Variants in KAZN observed in about 807,000 individuals in gnomAD.
KAZN encodes the protein kazrin.
Under a neutral mutation model 87.4 loss-of-function variants are expected in KAZN, and 40 were observed. That is an observed-to-expected ratio of 0.46 (90% confidence interval 0.36 to 0.60). KAZN has a LOEUF of 0.60. Among genes scored for constraint, KAZN ranks in the 20% least tolerant of loss-of-function variants. The pLI, the probability that KAZN is intolerant of heterozygous loss-of-function variation, is 0.00. For synonymous variants in KAZN, 466 were observed against 458.3 expected (o/e 1.02, Z -0.22); for missense variants, 898 against 1,073.9 (o/e 0.84, Z 2.29).
At chr1:14,774,520 G>A (rs969790842) in intron 1 of KAZN, among the ~76,000 whole-genome samples, 1 of 149,816 alleles carries the variant, frequency 6.7e-6, no homozygotes, top group Non-Finnish European at 1.5e-5. Context: ...ACCCAGGCTG[G>A]AGTGCAGTGG....
At chr1:14,124,920 C>G (rs960387502) in intron 1 of KAZN, among the ~76,000 whole-genome samples, 1 of 152,136 alleles carries the variant, frequency 6.6e-6, no homozygotes, top group Non-Finnish European at 1.5e-5. Context: ...GAGGGAGACA[C>G]AGCAAACAAG....
intron 1 of KAZN, among the ~76,000 whole-genome samples, chr1:14,172,323 G>A (rs893280150): frequency 6.6e-6 from 1 of 152,212 alleles, no homozygotes; most frequent in Non-Finnish European, 1.5e-5. Flanking sequence ...ATTCTAGGAT[G>A]ATGGGGCAGA....
intron 2 of KAZN, among the ~76,000 whole-genome samples, chr1:14,368,352 T>C (rs1001765467): frequency 3.1e-4 from 47 of 152,336 alleles, no homozygotes; most frequent in African/African-American, 1.1e-3. Flanking sequence ...ATCACTCAGA[T>C]GCAAGCAGCT....
intron 1 of KAZN, among the ~76,000 whole-genome samples, chr1:14,731,985 GC>G (rs1643697502): frequency 6.6e-6 from 1 of 152,242 alleles, no homozygotes; most frequent in African/African-American, 2.4e-5. Flanking sequence ...GTGCGGCTAA[GC>G]CGCCCTGGGG....
At chr1:14,520,789 A>G (rs1313173503) in intron 2 of KAZN, among the ~76,000 whole-genome samples, 1 of 152,160 alleles carries the variant, frequency 6.6e-6, no homozygotes, top group Non-Finnish European at 1.5e-5. Flanking sequence ...TTTGCACTAA[A>G]CCAAAGATGG....
chr1:14,475,129 TATTGA>T (rs1668649637), intron 2 of KAZN, among the ~76,000 whole-genome samples: 2 of 151,704 alleles, frequency 1.3e-5, no homozygotes, highest in Non-Finnish European at 1.5e-5. Flanking sequence ...GGTAGATAGA[TATTGA>T]ATTGATGGAT....
At chr1:14,721,235 T>TAA (rs1643086254) in intron 1 of KAZN, among the ~76,000 whole-genome samples, 2 of 152,140 alleles carry the variant, frequency 1.3e-5, no homozygotes, top group Non-Finnish European at 2.9e-5. Flanking sequence ...ATGGGGGTGG[T>TAA]TACCTCCATG....
intron 1 of KAZN, among the ~76,000 whole-genome samples, chr1:14,057,440 G>C (rs1642622886): frequency 6.6e-6 from 1 of 152,176 alleles, no homozygotes; most frequent in South Asian, 2.1e-4. Flanking sequence ...GCTATGTTTA[G>C]CATTTTTAGT....
At chr1:14,766,184 C>T (rs1025480304) in intron 1 of KAZN, among the ~76,000 whole-genome samples, 1 of 152,182 alleles carries the variant, frequency 6.6e-6, no homozygotes, top group African/African-American at 2.4e-5. Flanking sequence ...CCAGAAACTA[C>T]AGGACACGGG....
intron 1 of KAZN, among the ~76,000 whole-genome samples, chr1:14,843,631 C>A (rs1648300949): frequency 6.6e-6 from 1 of 152,248 alleles, no homozygotes; most frequent in Non-Finnish European, 1.5e-5. Context: ...AAGATTCCAG[C>A]AAATTCGCCT....
upstream of KAZN, among the ~76,000 whole-genome samples, chr1:14,596,150 G>A (rs1017277157): frequency 1.3e-5 from 2 of 152,140 alleles, no homozygotes; most frequent in African/African-American, 2.4e-5. Context: ...GGGCTAGGGC[G>A]GCAAGGACGC....
chr1:14,069,956 G>T (rs1484874872), intron 1 of KAZN, among the ~76,000 whole-genome samples: 2 of 151,910 alleles, frequency 1.3e-5, no homozygotes, highest in Non-Finnish European at 2.9e-5. Context: ...GGATCACGAG[G>T]TCAGGAGATT....
At chr1:14,266,833 A>C (rs764257923) in intron 2 of KAZN, among the ~76,000 whole-genome samples, 3 of 152,176 alleles carry the variant, frequency 2.0e-5, no homozygotes, top group African/African-American at 7.2e-5. Flanking sequence ...AGAATATGCA[A>C]ATTTCACACA....
chr1:14,870,329 CA>C (rs1282215693), intron 1 of KAZN, among the ~76,000 whole-genome samples: 2 of 152,190 alleles, frequency 1.3e-5, no homozygotes, highest in African/African-American at 2.4e-5. Context: ...CCTGTTTCCT[CA>C]ACTGTTTTTT....
intron 1 of KAZN, among the ~76,000 whole-genome samples, chr1:14,953,951 A>T (rs1382344540): frequency 6.6e-6 from 1 of 152,152 alleles, no homozygotes; most frequent in Non-Finnish European, 1.5e-5. Context: ...TGAAAATAGC[A>T]TTTTTAGAAA....
At chr1:14,101,089 G>C (rs1319421678) in intron 1 of KAZN, among the ~76,000 whole-genome samples, 1 of 152,108 alleles carries the variant, frequency 6.6e-6, no homozygotes, top group East Asian at 1.9e-4. Context: ...CCCGGTCTCG[G>C]GTATTTATCA....
intron 2 of KAZN, among the ~76,000 whole-genome samples, chr1:14,534,532 C>G (rs1235742219): frequency 2.0e-5 from 3 of 152,112 alleles, no homozygotes; most frequent in African/African-American, 7.2e-5. Context: ...GTCATTCCAG[C>G]TACTGGGGAG....
intron 1 of KAZN, chr1:14,924,333 A>G (rs1658891652): frequency 1.0e-6 from 1 of 986,720 alleles, no homozygotes. Context: ...CCCCTCGCGC[A>G]GCCGCTGGTA....
chr1:15,009,308 C>A (rs182899359), intron 2 of KAZN, among the ~76,000 whole-genome samples: 1 of 152,184 alleles, frequency 6.6e-6, no homozygotes. Context: ...CCCAGAATCC[C>A]GACAGAAGAG....
Sources: allele counts gnomAD v4.1 joint callset (sites outside exome capture counted in the v4.1 genomes callset), GRCh38; gene constraint gnomAD v4.1.1; transcripts MANE v1.5; gene names NCBI Gene and HGNC (gene_info 2026-07-23, HGNC 2026-07-21).